Variants in SMOC2 observed in about 807,000 individuals in gnomAD.
SMOC2 encodes the protein SPARC related modular calcium binding 2, also known as SPARC-related modular calcium-binding protein 2.
SMOC2 carries 39 observed loss-of-function variants against 61.4 expected under a neutral mutation model. That is an observed-to-expected ratio of 0.64 (90% CI 0.49 to 0.83). The LOEUF (loss-of-function observed/expected upper bound fraction) is 0.83. Ranked by LOEUF, SMOC2 falls within the 40% of genes least tolerant of loss-of-function variation. SMOC2 has a pLI of 0.00. For synonymous variants in SMOC2, 247 were observed against 239.9 expected (o/e 1.03, Z -0.27); for missense variants, 556 against 592.9 (o/e 0.94, Z 0.65).
chr6:168,610,758 A>G (rs768173820), intron 9 of SMOC2, among the ~76,000 whole-genome samples: 64 of 150,368 alleles, frequency 4.3e-4, no homozygotes, highest in Non-Finnish European at 7.5e-4. Flanking sequence ...TTTGGAGGCC[A>G]TCATTTTATT....
At chr6:168,539,437 C>G (rs554010399) in intron 4 of SMOC2, among the ~76,000 whole-genome samples, 7 of 152,330 alleles carry the variant, frequency 4.6e-5, no homozygotes, top group East Asian at 1.9e-4. Flanking sequence ...TTCCACCCTT[C>G]TCACCACCCC....
At chr6:168,444,622 C>T (rs1247860972) in intron 1 of SMOC2, among the ~76,000 whole-genome samples, 1 of 152,196 alleles carries the variant, frequency 6.6e-6, no homozygotes, top group Non-Finnish European at 1.5e-5. Flanking sequence ...AATTTGGATG[C>T]AGGTCAATTT....
At chr6:168,554,672 T>G (rs1219143089) in intron 7 of SMOC2, among the ~76,000 whole-genome samples, 1 of 152,232 alleles carries the variant, frequency 6.6e-6, no homozygotes, top group East Asian at 1.9e-4. Context: ...AGCCAGACTT[T>G]GTGGCTGGCA....
At chr6:168,538,200 T>TA (rs1783781486) in intron 4 of SMOC2, among the ~76,000 whole-genome samples, 2 of 108,850 alleles carry the variant, frequency 1.8e-5, no homozygotes, top group East Asian at 2.8e-4. Flanking sequence ...TGCTGGAATC[T>TA]GGGGAGTGGG....
At chr6:168,637,015 CCT>C (rs991014359) in intron 9 of SMOC2, among the ~76,000 whole-genome samples, 3 of 149,910 alleles carry the variant, frequency 2.0e-5, no homozygotes, top group African/African-American at 7.4e-5. Flanking sequence ...CATTCCAAGT[CCT>C]CTCTGTGCAT....
At chr6:168,612,113 T>A (rs918879465) in intron 9 of SMOC2, among the ~76,000 whole-genome samples, 1 of 152,216 alleles carries the variant, frequency 6.6e-6, no homozygotes, top group Non-Finnish European at 1.5e-5. Flanking sequence ...TGGTTTTGCT[T>A]ATCTAGGGCC....
In SMOC2 at chr6:168,475,840, G is replaced by A. The variant is rs1488452447; in HGVS notation, c.85-34075G>A. On this transcript the variant is annotated intron_variant, in intron 1 of 12. Transcript: ENST00000356284. This position sits in a 1 kb window ranked among gnomAD's most constrained non-coding sequence, Gnocchi z 4.6. ...GCAGGGCTGGGCAGTGGGCACAGGT[G>A]CCAAGGGGAATGGGGTCAGGGTTCT... 6.6e-6 allele frequency among the ~76,000 whole-genome samples: 1 copy of A among 152,108 alleles called. No homozygotes were observed. Among genetic ancestry groups the A allele is most frequent in the Non-Finnish European group, 1.5e-5 (1 of 68,002 alleles).
intron 1 of SMOC2, among the ~76,000 whole-genome samples, chr6:168,504,959 T>G (rs1311764249): frequency 7.1e-6 from 1 of 141,018 alleles, no homozygotes; most frequent in Non-Finnish European, 1.5e-5. Flanking sequence ...GTTAAGGGTT[T>G]CTAAAATACA....
At chr6:168,547,590 A>G (rs1784036909) in intron 6 of SMOC2, among the ~76,000 whole-genome samples, 1 of 152,082 alleles carries the variant, frequency 6.6e-6, no homozygotes, top group African/African-American at 2.4e-5. Flanking sequence ...TTAATGATGA[A>G]ACGGCAACGG....
chr6:168,649,141 G>C (rs1787126914), intron 9 of SMOC2, among the ~76,000 whole-genome samples: 1 of 152,216 alleles, frequency 6.6e-6, no homozygotes. Flanking sequence ...GGCGGGGAAG[G>C]GGCCGTCCTC....
chr6:168,573,079 T>C (rs1784707920), intron 7 of SMOC2, among the ~76,000 whole-genome samples: 1 of 80,886 alleles, frequency 1.2e-5, no homozygotes, highest in Non-Finnish European at 2.3e-5. Flanking sequence ...CAGGGCTGCG[T>C]GCTCCTTGGA....
intron 1 of SMOC2, among the ~76,000 whole-genome samples, chr6:168,449,530 A>G (rs896910609): frequency 3.9e-5 from 6 of 152,226 alleles, no homozygotes; most frequent in Non-Finnish European, 8.8e-5. Flanking sequence ...TTTTGGTTGT[A>G]TATTAATTCA....
chr6:168,525,293 CT>C (rs1783427783), intron 2 of SMOC2, among the ~76,000 whole-genome samples: 1 of 152,170 alleles, frequency 6.6e-6, no homozygotes, highest in African/African-American at 2.4e-5. Context: ...CCTTTTCCCC[CT>C]GGGGGCACTG....
intron 7 of SMOC2, among the ~76,000 whole-genome samples, chr6:168,589,438 A>C (rs2144744): frequency 0.76 from 114,982 of 152,230 alleles, 43,593 homozygotes; most frequent in South Asian, 0.83. Context: ...CTCAACAGCC[A>C]CAAAACAGAT....
chr6:168,552,245 CT>C (rs1784144473), intron 7 of SMOC2, among the ~76,000 whole-genome samples: 1 of 152,102 alleles, frequency 6.6e-6, no homozygotes, highest in African/African-American at 2.4e-5. Flanking sequence ...AATGACCACT[CT>C]TATTGAAATT....
intron 9 of SMOC2, among the ~76,000 whole-genome samples, chr6:168,623,332 T>A (rs1019992581): frequency 3.4e-5 from 5 of 146,164 alleles, no homozygotes; most frequent in Non-Finnish European, 7.5e-5. Flanking sequence ...ATAATTAATT[T>A]TTTTTTTTTT....
At chr6:168,495,407 G>A (rs957341070) in intron 1 of SMOC2, among the ~76,000 whole-genome samples, 9 of 152,306 alleles carry the variant, frequency 5.9e-5, no homozygotes, top group Middle Eastern at 3.4e-3. Flanking sequence ...CGCTGGGGTC[G>A]CTTCCAGAGC....
chr6:168,476,466 C>CTGTGTG (rs1191864533), intron 1 of SMOC2, among the ~76,000 whole-genome samples: 23 of 139,872 alleles, frequency 1.6e-4, no homozygotes, highest in African/African-American at 6.9e-4. Flanking sequence ...ATCTTTTATC[C>CTGTGTG]TGTGTGTGTG....
In SMOC2 at chr6:168,441,287, C is replaced by G; in HGVS notation, c.-84C>G. On this transcript the variant is annotated 5_prime_UTR_variant, in exon 1 of 13. Transcript: ENST00000356284. ...GCCGCCCCTCCACGCGCCCGCCCAG[C>G]CGCGCTCGCCCACTGGGCTCTCCCG... 1.4e-6 allele frequency: 2 copies of G among 1,418,538 alleles called. No homozygotes were observed. Among genetic ancestry groups the G allele is most frequent in the Non-Finnish European group, 1.8e-6 (2 of 1,096,916 alleles). 87.9% of individuals were successfully genotyped at this position (1,418,538 alleles called of 1,614,324 possible). A position where few individuals can be genotyped will look rare whatever the true frequency, so the allele number is the denominator to read the frequency against.
Sources: allele counts gnomAD v4.1 joint callset (sites outside exome capture counted in the v4.1 genomes callset), GRCh38; gene constraint gnomAD v4.1.1; non-coding constraint Gnocchi (gnomAD v3.1); transcripts MANE v1.5; gene names NCBI Gene and HGNC (gene_info 2026-07-23, HGNC 2026-07-21).